Variants in ADK observed in about 807,000 individuals in gnomAD.
ADK encodes N6,N6-dimethyladenosine kinase.
ADK carries 24 observed loss-of-function variants against 44.7 expected under a neutral mutation model. The observed-to-expected ratio is 0.54, with a 90% CI of 0.39 to 0.76. The LOEUF is 0.76. ADK is among the 30% of genes least tolerant of loss of function. The probability of loss-of-function intolerance (pLI) is 0.00; values close to 1 mark genes in which losing one functional copy is unlikely to be tolerated. For synonymous variants in ADK, 128 were observed against 142.6 expected, an observed-to-expected ratio of 0.90 and a Z score of 0.73; for missense variants, 321 against 425.1, an observed-to-expected ratio of 0.76 and a Z score of 2.15.
At chr10:74,374,737 C>G (rs1432236606) in intron 4 of ADK, among the ~76,000 whole-genome samples, 1 of 151,934 alleles carries the variant, frequency 6.6e-6, no homozygotes, top group African/African-American at 2.4e-5. Flanking sequence ...ATGCCCATGT[C>G]TCTCTGTGTT....
chr10:74,331,569 C>A (rs571603309), intron 4 of ADK, among the ~76,000 whole-genome samples: 5 of 152,124 alleles, frequency 3.3e-5, no homozygotes, highest in Non-Finnish European at 4.4e-5. Flanking sequence ...CTGCAACTTC[C>A]GCCTCCTGGG....
At chr10:74,479,396 T>G (rs551105704) in intron 6 of ADK, among the ~76,000 whole-genome samples, 37 of 129,524 alleles carry the variant, frequency 2.9e-4, no homozygotes, top group African/African-American at 9.9e-4. Flanking sequence ...TTTTTGTTGG[T>G]TTTTTTTTTT....
At chr10:74,533,799 G>A (rs901247494) in intron 7 of ADK, among the ~76,000 whole-genome samples, 3 of 151,928 alleles carry the variant, frequency 2.0e-5, no homozygotes, top group Admixed American at 1.3e-4. Flanking sequence ...ACAGATGAAA[G>A]CATCTGTCCA....
chr10:74,316,168 C>T (rs756955658), intron 4 of ADK, among the ~76,000 whole-genome samples: 11 of 150,166 alleles, frequency 7.3e-5, no homozygotes, highest in Non-Finnish European at 8.9e-5. Context: ...TGAACCTGGG[C>T]GGTATAGGTT....
chr10:74,356,035 G>A lies in ADK; in HGVS notation c.274-38106G>A, dbSNP rs1186627300. The stretch of plus-strand genomic sequence containing the variant: ...TTTTTTTTTTTTTTTTTTTTGAGAC[G>A]GAGTCTCGCTCTGTCGCCCAGGCCG... On this transcript the variant is annotated intron_variant, in intron 4 of 10. Transcript: ENST00000539909. Among the ~76,000 whole-genome samples, 4 of 89,380 alleles carry A rather than the reference G, an allele frequency of 4.5e-5. No individual in the cohort carries two copies. The South Asian group carries it at 1.4e-3, about 30-fold the overall frequency. The allele number at this position is 89,380 out of a possible 152,430, so 58.6% of individuals were successfully genotyped here.
chr10:74,650,281 G>A (rs1404546051), intron 9 of ADK, among the ~76,000 whole-genome samples: 1 of 152,020 alleles, frequency 6.6e-6, no homozygotes. Flanking sequence ...TTAGCCGGGT[G>A]TCATGGCCGG....
At chr10:74,417,800 G>A (rs144063170) in intron 6 of ADK, among the ~76,000 whole-genome samples, 3 of 149,852 alleles carry the variant, frequency 2.0e-5, no homozygotes, top group South Asian at 2.1e-4. Context: ...TTCCATTCAC[G>A]AGCCCTGACT....
At chr10:74,222,511 G>T (rs1370353297) in intron 2 of ADK, among the ~76,000 whole-genome samples, 2 of 152,024 alleles carry the variant, frequency 1.3e-5, no homozygotes, top group Non-Finnish European at 1.5e-5. Context: ...CCATTACTGG[G>T]TGTATACCCA....
intron 4 of ADK, among the ~76,000 whole-genome samples, chr10:74,391,650 TATACACACACAC>T (rs1369286480): frequency 4.7e-4 from 63 of 134,728 alleles, no homozygotes; most frequent in South Asian, 2.6e-3. Flanking sequence ...GAGGCAAGAA[TATACACACACAC>T]ACACACACAC....
At chr10:74,216,316 C>T (rs1166158765) in intron 2 of ADK, among the ~76,000 whole-genome samples, 2 of 152,006 alleles carry the variant, frequency 1.3e-5, no homozygotes, top group Admixed American at 6.6e-5. Flanking sequence ...GGTAAAATAA[C>T]AAATGTATTA....
intron 2 of ADK, among the ~76,000 whole-genome samples, chr10:74,203,954 T>C (rs1043794053): frequency 1.1e-4 from 16 of 141,832 alleles, no homozygotes; most frequent in Non-Finnish European, 2.0e-4. Flanking sequence ...TTTAGGTCTT[T>C]TTTTTTTTTT....
intron 3 of ADK, among the ~76,000 whole-genome samples, chr10:74,302,900 G>A (rs1840109326): frequency 6.6e-6 from 1 of 151,964 alleles, no homozygotes. Context: ...CATAAGCATG[G>A]CAGGCAGTTT....
intron 4 of ADK, among the ~76,000 whole-genome samples, chr10:74,315,290 T>C (rs571295679): frequency 6.6e-6 from 1 of 152,310 alleles, no homozygotes; most frequent in African/African-American, 2.4e-5. Flanking sequence ...TACATTCATA[T>C]ATTCATACCT....
intron 6 of ADK, among the ~76,000 whole-genome samples, chr10:74,417,145 T>C (rs1237274038): frequency 6.6e-5 from 10 of 152,158 alleles, no homozygotes; most frequent in Non-Finnish European, 1.3e-4. Context: ...TCCTTTCTTA[T>C]ATTAACTGAG....
intron 7 of ADK, among the ~76,000 whole-genome samples, chr10:74,572,648 C>T (rs183732311): frequency 0.012 from 1,841 of 152,284 alleles, 43 homozygotes; most frequent in African/African-American, 0.042. Flanking sequence ...ACAAATCAGA[C>T]GTAGATTTGG....
chr10:74,296,066 CTT>C (rs59799489), intron 3 of ADK, among the ~76,000 whole-genome samples: 72,811 of 139,910 alleles, frequency 0.52, 19,592 homozygotes, highest in Middle Eastern at 0.63. Flanking sequence ...TATTTAGCTC[CTT>C]TTTTTTTTTT....
At chr10:74,632,282 A>C (rs544267189) in intron 9 of ADK, among the ~76,000 whole-genome samples, 1 of 152,338 alleles carries the variant, frequency 6.6e-6, no homozygotes, top group Non-Finnish European at 1.5e-5. Flanking sequence ...AGCATGTGTC[A>C]GTTTTTTACT....
intron 3 of ADK, among the ~76,000 whole-genome samples, chr10:74,265,796 A>G (rs1463701896): frequency 6.6e-6 from 1 of 152,184 alleles, no homozygotes; most frequent in East Asian, 1.9e-4. Context: ...ATTTTTTTAA[A>G]AAAGTATATG....
intron 10 of ADK, among the ~76,000 whole-genome samples, chr10:74,684,464 A>C (rs181426042): frequency 7.2e-5 from 11 of 152,316 alleles, no homozygotes; most frequent in Admixed American, 2.6e-4. Flanking sequence ...TAAAAGAAGT[A>C]GTAAAACAAT....
Sources: gnomAD v4.1 joint callset for allele counts (sites outside exome capture counted in the v4.1 genomes callset) on GRCh38, gnomAD v4.1.1 for gene constraint, MANE v1.5 for transcripts, NCBI Gene and HGNC (gene_info 2026-07-23, HGNC 2026-07-21) for gene names.